Variants in GTF2B observed in about 807,000 individuals in gnomAD.
GTF2B encodes transcription initiation factor IIB.
GTF2B carries 20 observed loss-of-function variants against 34.6 expected under a neutral mutation model. That is an observed-to-expected ratio of 0.58 (90% confidence interval 0.41 to 0.84). The LOEUF (loss-of-function observed/expected upper bound fraction) is 0.84, where lower values mean the gene tolerates loss of function less well. Among genes scored for constraint, GTF2B ranks in the 40% least tolerant of loss-of-function variants. The pLI, the probability that GTF2B is intolerant of heterozygous loss-of-function variation, is 0.00. For synonymous variants in GTF2B, 142 were observed against 132.4 expected (o/e 1.07, Z -0.50); for missense variants, 237 against 393.3 (o/e 0.60, Z 3.36).
chr1:88,873,031 T>C (rs897323472), intron 2 of GTF2B, among the ~76,000 whole-genome samples: 9 of 152,112 alleles, frequency 5.9e-5, no homozygotes, highest in Non-Finnish European at 1.2e-4. Flanking sequence ...TTTAAGTTTA[T>C]TCATCCTATA....
intron 5 of GTF2B, among the ~76,000 whole-genome samples, chr1:88,857,691 C>CTTTT (rs368010048): frequency 9.2e-6 from 1 of 108,152 alleles, no homozygotes; most frequent in African/African-American, 3.6e-5. Context: ...TTCATCACAC[C>CTTTT]TTTTTTTTTG....
chr1:88,856,773 T>C lies in GTF2B; in HGVS notation c.817+433A>G, dbSNP rs1673321621. 2.6e-5 allele frequency among the ~76,000 whole-genome samples: 4 copies of C among 151,986 alleles called. No individual in the cohort carries two copies. The South Asian group carries it at 8.3e-4, about 32-fold the overall frequency. The stretch of plus-strand genomic sequence containing the variant: ...AAGCAAAACATATTTTCTTAACATT[T>C]TGACGTTGAGGAATGATGTCTTAAA... On this transcript the variant is annotated intron_variant, in intron 6 of 6. Transcript: ENST00000370500.
chr1:88,889,368 G>C (rs1435131092), intron 1 of GTF2B, among the ~76,000 whole-genome samples: 1 of 152,192 alleles, frequency 6.6e-6, no homozygotes, highest in South Asian at 2.1e-4. Context: ...GTAACAGAGA[G>C]AAACAATAGG....
intron 2 of GTF2B, among the ~76,000 whole-genome samples, chr1:88,867,047 C>G (rs1205082151): frequency 6.6e-6 from 1 of 152,180 alleles, no homozygotes; most frequent in Non-Finnish European, 1.5e-5. Context: ...TTAAAAGTAT[C>G]ATAAATTGTC....
At chr1:88,875,693 C>T (rs1673800713) in intron 2 of GTF2B, among the ~76,000 whole-genome samples, 1 of 152,140 alleles carries the variant, frequency 6.6e-6, no homozygotes, top group Non-Finnish European at 1.5e-5. Context: ...AGGATGTCAC[C>T]ATACTCGGAA....
At position 88,887,263 on chromosome 1, in the gene GTF2B, A is replaced by G. The variant is rs1674093995; in HGVS notation, c.122T>C (p.Val41Ala). Residue 41 changes from valine (V) to alanine (A), a missense_variant and splice_region_variant, in exon 2 of 7, where the codon GTA becomes GCA. By Grantham distance (64) the Val-to-Ala change is moderately conservative (BLOSUM62 0). Coordinates refer to ENST00000370500, the MANE Select transcript of GTF2B (RefSeq NM_001514.6). ...TTAAAACCATAATAACAACTCACCT[A>G]CAACCAAGCCACATTCAGGACAGAT... The part of the protein sequence containing the change: ...DMICPECGLV[V>A]GDRVIDVGSE... The G allele has an allele frequency of 6.3e-7, 1 of 1,586,800 alleles. No individual in the cohort carries two copies. The highest frequency in any genetic ancestry group is 8.7e-7 in the Non-Finnish European group (1 of 1,155,652).
chr1:88,865,598 G>A (rs1217000849), intron 2 of GTF2B, among the ~76,000 whole-genome samples: 1 of 152,180 alleles, frequency 6.6e-6, no homozygotes, highest in East Asian at 1.9e-4. Context: ...GCACATGCCT[G>A]TAATCCCAGC....
In GTF2B at chr1:88,853,206, C is replaced by G; in HGVS notation, c.*7G>C. On this transcript the variant is annotated 3_prime_UTR_variant, in exon 7 of 7. Transcript: ENST00000370500. Reference sequence around the variant, plus strand: ...GTATTCAAGAATTTGACGTTAGCTGCCTCAATTTATAGCTGTGGTAGTTTG... The same window carrying G: ...GTATTCAAGAATTTGACGTTAGCTGGCTCAATTTATAGCTGTGGTAGTTTG... The G allele has an allele frequency of 6.2e-7, 1 of 1,613,474 alleles. No individual in the cohort carries two copies.
chr1:88,890,040 T>TA (rs775328826), intron 1 of GTF2B, among the ~76,000 whole-genome samples: 4 of 151,734 alleles, frequency 2.6e-5, no homozygotes, highest in Non-Finnish European at 2.9e-5. Context: ...AAATAAAAAA[T>TA]ACTGCATTTA....
intron 6 of GTF2B, among the ~76,000 whole-genome samples, chr1:88,854,002 A>G (rs903579192): frequency 2.0e-5 from 3 of 152,200 alleles, no homozygotes; most frequent in African/African-American, 7.2e-5. Context: ...AATAGTGTTC[A>G]GGTCTTAGTA....
At chr1:88,859,794 C>T (rs1673395016) in intron 5 of GTF2B, 88 bp downstream of exon 5, 1 of 1,175,032 alleles carries the variant, frequency 8.5e-7, no homozygotes. Context: ...CAAGATTGCG[C>T]CACTGCACTC....
chr1:88,881,007 T>TC lies in GTF2B; in HGVS notation c.124+6253dup, dbSNP rs1553163646. Among the ~76,000 whole-genome samples the TC allele has an allele frequency of 9.9e-5, 6 of 60,844 alleles. No homozygotes were observed. In the Admixed American group the frequency reaches 1.4e-3, roughly 14 times the overall value. The allele number at this position is 60,844 out of a possible 152,430, so 39.9% of individuals were successfully genotyped here. A position where few individuals can be genotyped will look rare whatever the true frequency, so the allele number is the denominator to read the frequency against. ...CTGGGTGACAGAGCGAGATGCTGTCTCAAAAAAAAAAAAAAAAAAAGAACT... is the reference window on the plus strand; with the variant it reads ...CTGGGTGACAGAGCGAGATGCTGTCTCCAAAAAAAAAAAAAAAAAAAGAACT... On this transcript the variant is annotated intron_variant, in intron 2 of 6. Coordinates refer to ENST00000370500, the MANE Select transcript of GTF2B (RefSeq NM_001514.6).
At chr1:88,882,310 C>CAAAAAAAAAAAAAAAAAAA (rs59699371) in intron 2 of GTF2B, among the ~76,000 whole-genome samples, 2 of 36,020 alleles carry the variant, frequency 5.6e-5, no homozygotes, top group Admixed American at 4.1e-4. Flanking sequence ...ACTCTCACTC[C>CAAAAAAAAAAAAAAAAAAA]AAAAAAAAAA....
chr1:88,871,765 C>T (rs1223809182), intron 2 of GTF2B, among the ~76,000 whole-genome samples: 1 of 152,146 alleles, frequency 6.6e-6, no homozygotes, highest in African/African-American at 2.4e-5. Flanking sequence ...GAGTTTCACT[C>T]TTGTTGGCCA....
At chr1:88,885,395 G>A (rs150488197) in intron 2 of GTF2B, among the ~76,000 whole-genome samples, 2,313 of 151,462 alleles carry the variant, frequency 0.015, 35 homozygotes, top group Middle Eastern at 0.038. Context: ...AGCTGGGATC[G>A]CACCACGGCA....
At chr1:88,890,100 T>C (rs546503776) in intron 1 of GTF2B, among the ~76,000 whole-genome samples, 2 of 150,992 alleles carry the variant, frequency 1.3e-5, no homozygotes, top group East Asian at 1.9e-4. Flanking sequence ...ACTGCTATGA[T>C]ACATAAATTG....
At chr1:88,854,348 G>A (rs756948720) in intron 6 of GTF2B, among the ~76,000 whole-genome samples, 1 of 152,080 alleles carries the variant, frequency 6.6e-6, no homozygotes, top group African/African-American at 2.4e-5. Context: ...GAGCTCAAAC[G>A]AACATTGTAC....
chr1:88,885,548 G>C (rs1674047578), intron 2 of GTF2B, among the ~76,000 whole-genome samples: 1 of 152,078 alleles, frequency 6.6e-6, no homozygotes, highest in Admixed American at 6.5e-5. Flanking sequence ...AGGAGTTCGA[G>C]ACCAGCCTGA....
chr1:88,860,341 A>G (rs1673406350), intron 3 of GTF2B, 55 bp from the exon 4 acceptor site: 2 of 1,268,874 alleles, frequency 1.6e-6, no homozygotes, highest in Admixed American at 1.9e-5. Context: ...TGAAAAATGG[A>G]CAATTTCTAT....
Sources: allele counts gnomAD v4.1 joint callset (sites outside exome capture counted in the v4.1 genomes callset), GRCh38; gene constraint gnomAD v4.1.1; transcripts MANE v1.5; gene names NCBI Gene and HGNC (gene_info 2026-07-23, HGNC 2026-07-21).